The following CNTLN variants were observed in gnomAD, a reference collection of about 807,000 sequenced individuals.
CNTLN encodes the protein centlein.
Under a neutral mutation model 180.0 loss-of-function variants are expected in CNTLN, and 212 were observed. The ratio of observed to expected loss-of-function variants is 1.18; its 90% CI spans 1.05 to 1.32. CNTLN has a LOEUF of 1.32. Ranked by LOEUF, CNTLN falls within the 40% of genes most tolerant of loss-of-function variation. The pLI, the probability that CNTLN is intolerant of heterozygous loss-of-function variation, is 0.00. For missense variants in CNTLN, 2,095 were observed against 1,610.9 expected (o/e 1.30, Z -5.14); for synonymous variants, 722 against 563.1 (o/e 1.28, Z -3.99).
chr9:17,510,790 C>G, the CNTLN span, among the ~76,000 whole-genome samples: 1 of 152,134 alleles, frequency 6.6e-6, no homozygotes, highest in East Asian at 1.9e-4. Flanking sequence ...CTAGAGAACC[C>G]TAATACACCA....
At chr9:17,434,938 AT>A (rs1005800330) in intron 18 of CNTLN, among the ~76,000 whole-genome samples, 23 of 152,126 alleles carry the variant, frequency 1.5e-4, no homozygotes, top group African/African-American at 5.5e-4. Context: ...GCATATCCCT[AT>A]AAGTAATGCA....
chr9:17,163,310 G>T (rs761170377), intron 2 of CNTLN, among the ~76,000 whole-genome samples: 1 of 152,142 alleles, frequency 6.6e-6, no homozygotes, highest in Admixed American at 6.6e-5. Flanking sequence ...GATGATATAT[G>T]AATCTACTAA....
At chr9:17,429,015 T>A (rs959068996) in intron 18 of CNTLN, among the ~76,000 whole-genome samples, 1 of 152,038 alleles carries the variant, frequency 6.6e-6, no homozygotes, top group Non-Finnish European at 1.5e-5. Flanking sequence ...ATAGATTCTT[T>A]GAAAATACAG....
chr9:17,396,652 A>G (rs1826549285), intron 15 of CNTLN, among the ~76,000 whole-genome samples: 1 of 152,188 alleles, frequency 6.6e-6, no homozygotes, highest in Admixed American at 6.5e-5. Context: ...TTGTTTGCAT[A>G]TTAGAAGCAC....
At chr9:17,354,260 G>C (rs1822628967) in intron 12 of CNTLN, among the ~76,000 whole-genome samples, 1 of 152,162 alleles carries the variant, frequency 6.6e-6, no homozygotes, top group Non-Finnish European at 1.5e-5. Flanking sequence ...TCCCCGACGA[G>C]CACCACCCCC....
intron 2 of CNTLN, among the ~76,000 whole-genome samples, chr9:17,199,529 C>T (rs994162393): frequency 6.6e-6 from 1 of 152,112 alleles, no homozygotes; most frequent in Admixed American, 6.5e-5. Context: ...TTTTAATAAT[C>T]ACCATTCTAA....
intron 10 of CNTLN, among the ~76,000 whole-genome samples, chr9:17,338,199 G>A (rs13283891): frequency 0.22 from 31,992 of 145,598 alleles, 3,850 homozygotes; most frequent in South Asian, 0.37. Flanking sequence ...TCTCTCTGTC[G>A]CCCAAGCTGT....
intron 9 of CNTLN, 133 bp downstream of exon 9, chr9:17,330,941 G>A (rs1036028189): frequency 2.3e-5 from 17 of 734,292 alleles, no homozygotes; most frequent in Middle Eastern, 2.6e-4. Flanking sequence ...ATTATGTACC[G>A]AACTCTTGTT....
At chr9:17,291,315 A>T (rs1829391613) in intron 6 of CNTLN, among the ~76,000 whole-genome samples, 1 of 152,172 alleles carries the variant, frequency 6.6e-6, no homozygotes, top group African/African-American at 2.4e-5. Flanking sequence ...GTAGATATTT[A>T]TCAGGTCCAC....
chr9:17,375,755 C>T (rs1824707155), intron 13 of CNTLN, among the ~76,000 whole-genome samples: 1 of 152,120 alleles, frequency 6.6e-6, no homozygotes, highest in African/African-American at 2.4e-5. Context: ...ATTTGGAGAT[C>T]TTCAGATCTG....
intron 2 of CNTLN, among the ~76,000 whole-genome samples, chr9:17,161,797 C>T (rs1819697942): frequency 6.6e-6 from 1 of 152,116 alleles, no homozygotes; most frequent in South Asian, 2.1e-4. Flanking sequence ...GCTTGTAATC[C>T]ACCTACTGTT....
In CNTLN at chr9:17,466,053, G is replaced by C. The variant is rs371466627; in HGVS notation, c.3604G>C (p.Ala1202Pro). The C allele has an allele frequency of 1.2e-6, 2 of 1,605,598 alleles. No individual in the cohort carries two copies. The highest frequency in any genetic ancestry group is 4.5e-5 in the East Asian group (2 of 44,536). The change falls in exon 22 of 26, where the codon GCT (alanine) becomes CCT (proline). Residue 1202 changes from alanine to proline, a missense_variant. Ala to Pro is a conservative substitution (Grantham distance 27). Transcript: ENST00000380647. The part of the protein sequence containing the change: ...IDSLKQRLNV[A>P]VKEKSQYEQM... ...TTCACTAAAGCAAAGACTTAACGTTGCTGTAAAAGAAAAGTCACAGTATGA... is the reference window on the plus strand; with the variant it reads ...TTCACTAAAGCAAAGACTTAACGTTCCTGTAAAAGAAAAGTCACAGTATGA...
At chr9:17,284,827 T>C (rs1304547676) in intron 6 of CNTLN, among the ~76,000 whole-genome samples, 1 of 152,098 alleles carries the variant, frequency 6.6e-6, no homozygotes, top group East Asian at 1.9e-4. Flanking sequence ...CTTGGTTCTC[T>C]ATTTCTTTTA....
chr9:17,427,377 A>G (rs1310141517), intron 18 of CNTLN, among the ~76,000 whole-genome samples: 1 of 150,726 alleles, frequency 6.6e-6, no homozygotes, highest in Admixed American at 6.6e-5. Flanking sequence ...TTCAGGTTAT[A>G]TTGTCTTCCA....
At chr9:17,430,956 T>C (rs1022515406) in intron 18 of CNTLN, among the ~76,000 whole-genome samples, 3 of 152,188 alleles carry the variant, frequency 2.0e-5, no homozygotes, top group Non-Finnish European at 4.4e-5. Flanking sequence ...TCATCTGTTG[T>C]TGGATAACTA....
At chr9:17,178,368 G>C (rs2779766) in intron 2 of CNTLN, among the ~76,000 whole-genome samples, 27,256 of 152,206 alleles carry the variant, frequency 0.18, 2,588 homozygotes, top group South Asian at 0.28. Flanking sequence ...TCCCGCACCC[G>C]GGCCGCAGGT....
chr9:17,299,013 G>T (rs890178291), intron 7 of CNTLN: 1 of 812,918 alleles, frequency 1.2e-6, no homozygotes, highest in Non-Finnish European at 1.5e-6. Flanking sequence ...GGAGGCTGAG[G>T]CGGGCGAATC....
intron 12 of CNTLN, among the ~76,000 whole-genome samples, chr9:17,354,327 G>T (rs1822636202): frequency 6.6e-6 from 1 of 152,194 alleles, no homozygotes; most frequent in South Asian, 2.1e-4. Flanking sequence ...GCAGGCGCAC[G>T]GCACCGGGAC....
chr9:17,155,034 C>T (rs193056958), intron 2 of CNTLN, among the ~76,000 whole-genome samples: 13 of 152,066 alleles, frequency 8.5e-5, no homozygotes, highest in Non-Finnish European at 1.5e-4. Flanking sequence ...GAGGAACAGA[C>T]GACTCTGGAT....
Sources: gnomAD v4.1 joint callset for allele counts (sites outside exome capture counted in the v4.1 genomes callset) on GRCh38, gnomAD v4.1.1 for gene constraint, MANE v1.5 for transcripts, NCBI Gene and HGNC (gene_info 2026-07-23, HGNC 2026-07-21) for gene names.